PCDHA4: variants seen among roughly 807,000 people sequenced by gnomAD.
PCDHA4 encodes protocadherin alpha 4, also known as protocadherin alpha-4.
PCDHA4 carries 49 observed loss-of-function variants against 61.4 expected under a neutral mutation model. The observed-to-expected ratio is 0.80, with a 90% CI of 0.63 to 1.01. The LOEUF (loss-of-function observed/expected upper bound fraction) is 1.01, where lower values mean the gene tolerates loss of function less well. Among genes scored for constraint, PCDHA4 ranks in the 50% least tolerant of loss-of-function variants. The pLI is 0.00. For missense variants in PCDHA4, 1,254 were observed against 1,235.8 expected, an observed-to-expected ratio of 1.01 and a Z score of -0.22; for synonymous variants, 590 against 550.3, an observed-to-expected ratio of 1.07 and a Z score of -1.01.
intron 1 of PCDHA4, among the ~76,000 whole-genome samples, chr5:140,820,941 T>G (rs1298490010): frequency 2.6e-5 from 4 of 152,104 alleles, no homozygotes; most frequent in South Asian, 2.1e-4. Flanking sequence ...AGCTGAAATA[T>G]CCCCATTACA....
At chr5:140,887,238 C>T (rs1191260946) in intron 1 of PCDHA4, among the ~76,000 whole-genome samples, 11 of 151,856 alleles carry the variant, frequency 7.2e-5, no homozygotes, top group East Asian at 3.9e-4. Flanking sequence ...CTGAGACTAC[C>T]GGCGCCCGCC....
At chr5:140,967,695 T>G in intron 1 of PCDHA4, 1 of 1,614,184 alleles carries the variant, frequency 6.2e-7, no homozygotes, top group Non-Finnish European at 8.5e-7. Flanking sequence ...CTCTTCAGCA[T>G]AGATGCCAGT....
intron 1 of PCDHA4, chr5:140,850,039 G>A (rs1554143677): frequency 1.3e-6 from 2 of 1,596,568 alleles, no homozygotes; most frequent in African/African-American, 2.7e-5. Flanking sequence ...GCGGAGAGCG[G>A]CAAGGTGTAC....
chr5:141,004,500 T>C (rs1481568200), intron 3 of PCDHA4, among the ~76,000 whole-genome samples: 1 of 152,242 alleles, frequency 6.6e-6, no homozygotes, highest in Non-Finnish European at 1.5e-5. Context: ...GCAGTCCTGC[T>C]GTGAGGGGCT....
At chr5:140,899,948 C>A (rs2067639860) in intron 1 of PCDHA4, among the ~76,000 whole-genome samples, 1 of 151,682 alleles carries the variant, frequency 6.6e-6, no homozygotes, top group South Asian at 2.1e-4. Context: ...GCTGGGACCA[C>A]AGGCATGTGC....
chr5:140,896,280 G>A (rs940722689), intron 1 of PCDHA4, among the ~76,000 whole-genome samples: 1 of 152,206 alleles, frequency 6.6e-6, no homozygotes, highest in South Asian at 2.1e-4. Flanking sequence ...TTGCTGGCTT[G>A]AATGGTAAGT....
rs1472769366 is a variant in PCDHA4, at chr5:140,928,640, T to C, written c.2386-50309T>C. On this transcript the variant is annotated intron_variant, in intron 1 of 3. Transcript: ENST00000530339. ...AGGACTGGACACTTGGTCACAAAAG[T>C]GGTAGCAGAGGATGCTGACAGTGGT... The C allele has an allele frequency of 1.2e-6, 2 of 1,614,096 alleles. No individual in the cohort carries two copies. Among genetic ancestry groups the C allele is most frequent in the African/African-American group, 2.7e-5 (2 of 74,930 alleles).
At chr5:141,004,681 G>A (rs1554259668) in intron 3 of PCDHA4, among the ~76,000 whole-genome samples, 1 of 152,176 alleles carries the variant, frequency 6.6e-6, no homozygotes. Flanking sequence ...CTGTGGAGTG[G>A]TGCTGAAACC....
intron 1 of PCDHA4, among the ~76,000 whole-genome samples, chr5:140,896,506 A>G (rs1231827987): frequency 2.7e-5 from 4 of 150,856 alleles, no homozygotes; most frequent in African/African-American, 9.7e-5. Flanking sequence ...GGGACTGTGC[A>G]GGCACACACC....
intron 1 of PCDHA4, among the ~76,000 whole-genome samples, chr5:140,921,987 G>T (rs1414139435): frequency 6.6e-6 from 1 of 151,868 alleles, no homozygotes; most frequent in Non-Finnish European, 1.5e-5. Context: ...AACTAAAAAA[G>T]AGTTCAATGA....
intron 1 of PCDHA4, among the ~76,000 whole-genome samples, chr5:140,978,488 C>A (rs1453613410): frequency 6.6e-6 from 1 of 152,224 alleles, no homozygotes; most frequent in African/African-American, 2.4e-5. Context: ...TCTGCAAAGC[C>A]AGCAGCAGAT....
chr5:140,877,101 G>A lies in PCDHA4; in HGVS notation c.2385+67529G>A, dbSNP rs375706181. ...TGAGCGCGCGCGACGCCGGCGTGCCGCCTCTGGGCAGCAACGTGACGCTGC... is the reference window on the plus strand; with the variant it reads ...TGAGCGCGCGCGACGCCGGCGTGCCACCTCTGGGCAGCAACGTGACGCTGC... On this transcript the variant is annotated intron_variant, in intron 1 of 3. Transcript: ENST00000530339. 3.3e-5 allele frequency: 53 copies of A among 1,613,354 alleles called. 1 individual carries two copies. The highest frequency in any genetic ancestry group is 4.1e-5 in the Non-Finnish European group (48 of 1,179,850).
At chr5:140,834,333 T>C (rs781836936) in intron 1 of PCDHA4, 11 of 1,490,244 alleles carry the variant, frequency 7.4e-6, no homozygotes, top group Non-Finnish European at 1.0e-5. Flanking sequence ...AACATTCCTA[T>C]AAATTCGAAG....
chr5:140,829,710 C>T (rs1554132175), intron 1 of PCDHA4: 2 of 1,613,312 alleles, frequency 1.2e-6, no homozygotes, highest in African/African-American at 2.7e-5. Context: ...GCGCGCGACG[C>T]GGGCGTGCCG....
Position 140,857,604 on chromosome 5 carries a change from T to C in PCDHA4, c.2385+48032T>C, listed in dbSNP as rs1294714828. On this transcript the variant is annotated intron_variant, in intron 1 of 3. Transcript: ENST00000530339. ...GCGGAGAGCGGCAAGGTGTACGCGC[T>C]GCAGCCGCTGGACCACGAGGAGCTG... 5.0e-6 allele frequency: 8 copies of C among 1,596,244 alleles called. 1 individual carries two copies. Among genetic ancestry groups the C allele is most frequent in the Non-Finnish European group, 6.9e-6 (8 of 1,167,658 alleles).
At chr5:140,870,593 G>C (rs991131905) in intron 1 of PCDHA4, 2 of 1,613,454 alleles carry the variant, frequency 1.2e-6, no homozygotes, top group Admixed American at 3.3e-5. Flanking sequence ...GTGGAGCGGC[G>C]GTTGGGCGAC....
chr5:140,986,467 T>G (rs190246289), intron 3 of PCDHA4, among the ~76,000 whole-genome samples: 4 of 152,196 alleles, frequency 2.6e-5, no homozygotes, highest in Non-Finnish European at 5.9e-5. Context: ...AATGCCCTCT[T>G]GTGATCAGTT....
chr5:140,837,669 T>C (rs1554136589), intron 1 of PCDHA4, among the ~76,000 whole-genome samples: 1 of 151,640 alleles, frequency 6.6e-6, no homozygotes, highest in African/African-American at 2.4e-5. Context: ...CTTTCATTCT[T>C]TTTCTTTTTT....
At chr5:140,941,222 T>TCTTC (rs2092907237) in intron 1 of PCDHA4, among the ~76,000 whole-genome samples, 2 of 116,858 alleles carry the variant, frequency 1.7e-5, no homozygotes, top group Non-Finnish European at 3.8e-5. Flanking sequence ...TTCCTTTCTT[T>TCTTC]CTTTCTTTCT....
Sources: gnomAD v4.1 joint callset for allele counts (sites outside exome capture counted in the v4.1 genomes callset) on GRCh38, gnomAD v4.1.1 for gene constraint, MANE v1.5 for transcripts, NCBI Gene and HGNC (gene_info 2026-07-23, HGNC 2026-07-21) for gene names.